TSHZ2: variants seen among roughly 807,000 people sequenced by gnomAD.
TSHZ2 encodes the protein teashirt zinc finger homeobox 2.
In TSHZ2, 21 loss-of-function variants were observed where a neutral mutation model predicts 74.4. That is an observed-to-expected ratio of 0.28 (90% CI 0.20 to 0.41). TSHZ2 has a LOEUF of 0.41. TSHZ2 is among the 10% of genes least tolerant of loss of function. TSHZ2 has a pLI of 1.00. For missense variants in TSHZ2, 1,244 were observed against 1,293.5 expected (o/e 0.96, Z 0.59); for synonymous variants, 540 against 515.3 (o/e 1.05, Z -0.65).
At chr20:52,997,260 G>GC (rs974179276) in intron 1 of TSHZ2, among the ~76,000 whole-genome samples, 7 of 55,022 alleles carry the variant, frequency 1.3e-4, no homozygotes, top group Admixed American at 1.0e-3. Context: ...ATCTTGCCCC[G>GC]GGGGGGGGTT....
chr20:53,256,416 C>A lies in TSHZ2; in HGVS notation c.2958C>A (p.Ala986=). ...AGAGGTCTCCAGAAACAATAGCTGC[C>A]GAAGAGGACACAGACTCTAAATTCA... ...SAQRSPETIA[A]EEDTDSKFKC... The change falls in exon 2 of 3, where the codon GCC becomes GCA. Residue 986 remains alanine (A), a synonymous_variant. Coordinates refer to ENST00000371497, the MANE Select transcript of TSHZ2 (RefSeq NM_173485.6). This position sits in a 1 kb window ranked among gnomAD's most constrained non-coding sequence, Gnocchi z 4.3. 6.2e-7 allele frequency: 1 copy of A among 1,613,994 alleles called. No individual in the cohort carries two copies. Among genetic ancestry groups the A allele is most frequent in the South Asian group, 1.1e-5 (1 of 91,082 alleles).
At chr20:53,391,007 G>T (rs1982229312) in intron 2 of TSHZ2, among the ~76,000 whole-genome samples, 1 of 152,226 alleles carries the variant, frequency 6.6e-6, no homozygotes, top group Non-Finnish European at 1.5e-5. Flanking sequence ...ATAAACAAGG[G>T]AGTGGGACTG....
chr20:53,378,567 C>T (rs890866778), intron 2 of TSHZ2, among the ~76,000 whole-genome samples: 1 of 151,878 alleles, frequency 6.6e-6, no homozygotes, highest in African/African-American at 2.4e-5. Context: ...AATTTAAAAC[C>T]CTGTGTAGTG....
intron 1 of TSHZ2, among the ~76,000 whole-genome samples, chr20:53,195,363 T>C (rs1293380): frequency 0.22 from 32,830 of 151,014 alleles, 4,162 homozygotes; most frequent in Admixed American, 0.28. Flanking sequence ...TCCTGAATTG[T>C]GCATAGCTCT....
intron 1 of TSHZ2, among the ~76,000 whole-genome samples, chr20:53,002,338 A>G (rs1982471869): frequency 6.6e-6 from 1 of 152,188 alleles, no homozygotes; most frequent in African/African-American, 2.4e-5. Flanking sequence ...CTCTGAGTAA[A>G]TTTCATACTT....
At chr20:53,191,352 C>T (rs981166901) in intron 1 of TSHZ2, among the ~76,000 whole-genome samples, 2 of 152,134 alleles carry the variant, frequency 1.3e-5, no homozygotes, top group Non-Finnish European at 2.9e-5. Context: ...ACATAACATT[C>T]ATGAAATGTT....
intron 1 of TSHZ2, among the ~76,000 whole-genome samples, chr20:53,109,328 C>T (rs898397432): frequency 1.2e-4 from 18 of 152,154 alleles, no homozygotes; most frequent in Admixed American, 1.2e-3. Context: ...GTGTCTGTCT[C>T]AATCACCTAT....
rs115496902 is a variant in TSHZ2 at position 53,040,752 on chromosome 20, C to T, written c.40+67419C>T. 2.2e-3 allele frequency among the ~76,000 whole-genome samples: 328 copies of T among 152,282 alleles called. 1 individual carries two copies. The highest frequency in any genetic ancestry group is 7.5e-3 in the African/African-American group (312 of 41,546). ...ACTTAGTGTCCACCCTTGGACCCAA[C>T]GACCCTTACCCAGGTGCGGTGTCTT... is the stretch of plus-strand genomic sequence containing the variant. On this transcript the variant is annotated intron_variant, in intron 1 of 2. Coordinates refer to ENST00000371497, the MANE Select transcript of TSHZ2 (RefSeq NM_173485.6).
chr20:53,251,395 T>C (rs1327342600), intron 1 of TSHZ2, among the ~76,000 whole-genome samples: 1 of 152,222 alleles, frequency 6.6e-6, no homozygotes, highest in Non-Finnish European at 1.5e-5. Flanking sequence ...CTTTGAATGG[T>C]ATATCTATTT....
In TSHZ2 at chr20:53,254,767, A is replaced by T. The variant is rs747773355; in HGVS notation, c.1309A>T (p.Asn437Tyr). 2 of 1,613,280 alleles carry T rather than the reference A, an allele frequency of 1.2e-6. No individual in the cohort carries two copies. The highest frequency in any genetic ancestry group is 3.3e-5 in the Admixed American group (2 of 59,976). ...EKMQSLSEAP[N>Y]SDSLAPKPSS... is the part of the protein sequence containing the mutation. ...AATGCAGTCGTTGTCTGAGGCCCCA[A>T]ACAGTGATTCTCTGGCTCCCAAGCC... is the stretch of plus-strand genomic sequence containing the variant. The change falls in exon 2 of 3, where the codon AAC (asparagine) becomes TAC (tyrosine). Residue 437 changes from asparagine (N) to tyrosine (Y), a missense_variant. Asn to Tyr is a moderately radical substitution (Grantham distance 143). Around this residue, in one of 6 missense-constraint regions of TSHZ2, gnomAD observed 562 missense variants for 544.0 expected, o/e 1.03. Transcript: ENST00000371497.
At chr20:53,135,589 T>TTTTTA (rs1031797589) in intron 1 of TSHZ2, among the ~76,000 whole-genome samples, 13 of 152,182 alleles carry the variant, frequency 8.5e-5, no homozygotes, top group South Asian at 6.2e-4. Context: ...TGTTTGTTTA[T>TTTTTA]TTTTATTTTA....
intron 1 of TSHZ2, among the ~76,000 whole-genome samples, chr20:53,076,207 T>G (rs1985359102): frequency 6.6e-6 from 1 of 152,174 alleles, no homozygotes; most frequent in Admixed American, 6.5e-5. Flanking sequence ...AGTTGAGCTC[T>G]TACAGTGATC....
chr20:53,359,241 A>G lies in TSHZ2; in HGVS notation c.*8+102670A>G, dbSNP rs138612462. 3.2e-3 allele frequency among the ~76,000 whole-genome samples: 492 copies of G among 152,300 alleles called. 2 individuals are homozygous for G. The highest frequency in any genetic ancestry group is 0.011 in the African/African-American group (464 of 41,566). ...CTCAACATCACAGACCTTCATTCAT[A>G]AAAAGGGTGAAAACTGTCTAGGGTC... On this transcript the variant is annotated intron_variant, in intron 2 of 2. Coordinates refer to ENST00000371497, the MANE Select transcript of TSHZ2 (RefSeq NM_173485.6).
At chr20:53,104,410 T>A (rs1986305152) in intron 1 of TSHZ2, among the ~76,000 whole-genome samples, 1 of 152,160 alleles carries the variant, frequency 6.6e-6, no homozygotes, top group African/African-American at 2.4e-5. Flanking sequence ...GAGAAAGTAC[T>A]TTTCACTTGC....
At chr20:53,341,913 G>C (rs563647121) in intron 2 of TSHZ2, among the ~76,000 whole-genome samples, 1 of 152,124 alleles carries the variant, frequency 6.6e-6, no homozygotes, top group Non-Finnish European at 1.5e-5. Flanking sequence ...GCTTCACCAC[G>C]TTGACCAGAC....
At chr20:53,189,806 A>G (rs1988683511) in intron 1 of TSHZ2, among the ~76,000 whole-genome samples, 1 of 151,960 alleles carries the variant, frequency 6.6e-6, no homozygotes, top group South Asian at 2.1e-4. Flanking sequence ...TGTCTGGGCC[A>G]GACACAATGG....
chr20:53,425,922 GAATTCCTGCTGTCTCCAAAAAAACCCATA>G (rs1236354386), intron 2 of TSHZ2, among the ~76,000 whole-genome samples: 2 of 151,622 alleles, frequency 1.3e-5, no homozygotes, highest in African/African-American at 2.4e-5. Flanking sequence ...ACAAAAAAGG[GAATTCCTGCTGTCTCCAAAAAAACCCATA>G]AATTCCCACT....
chr20:53,275,021 G>C (rs536678737), intron 2 of TSHZ2, among the ~76,000 whole-genome samples: 1 of 152,184 alleles, frequency 6.6e-6, no homozygotes, highest in African/African-American at 2.4e-5. Context: ...TTTCTGCTTT[G>C]CTTGCTTTCT....
At chr20:53,179,779 T>C (rs1988427454) in intron 1 of TSHZ2, among the ~76,000 whole-genome samples, 1 of 152,170 alleles carries the variant, frequency 6.6e-6, no homozygotes, top group Non-Finnish European at 1.5e-5. Flanking sequence ...AAAATTTAAG[T>C]TCAAACTAAA....
Sources: allele counts gnomAD v4.1 joint callset (sites outside exome capture counted in the v4.1 genomes callset), GRCh38; gene constraint gnomAD v4.1.1; regional missense constraint gnomAD v4.1.1; non-coding constraint Gnocchi (gnomAD v3.1); transcripts MANE v1.5; gene names NCBI Gene and HGNC (gene_info 2026-07-23, HGNC 2026-07-21).